The following ANKRD18B variants were observed in gnomAD, a reference collection of about 807,000 sequenced individuals.
ANKRD18B encodes the protein ankyrin repeat domain-containing protein 18B.
ANKRD18B carries 75 observed loss-of-function variants against 111.8 expected under a neutral mutation model. That is an observed-to-expected ratio of 0.67 (90% confidence interval 0.56 to 0.81). The LOEUF (loss-of-function observed/expected upper bound fraction) is 0.81. ANKRD18B is among the 40% of genes least tolerant of loss of function. The pLI, the probability that ANKRD18B is intolerant of heterozygous loss-of-function variation, is 0.00. For missense variants in ANKRD18B, 1,038 were observed against 1,225.5 expected (o/e 0.85, Z 2.28); for synonymous variants, 356 against 417.3 (o/e 0.85, Z 1.79).
chr9:33,564,806 A>G (rs903354399), intron 14 of ANKRD18B, among the ~76,000 whole-genome samples: 4 of 152,104 alleles, frequency 2.6e-5, no homozygotes, highest in African/African-American at 9.7e-5. Context: ...GATACTGAAC[A>G]TTTTTAAATG....
rs1337250228 is a variant in ANKRD18B, at chr9:33,541,167, G to C, written c.1018G>C (p.Glu340Gln). ...GACAGAAACAGCAGCTATGAAGCCT[G>C]AAAATTTGAAAAAAAGAAAAAAAAG... ...PCPETAAMKP[E>Q]NLKKRKKRKK... Residue 340 changes from glutamate to glutamine, a missense_variant, in exon 9 of 19, where the codon GAA becomes CAA. By Grantham distance (29) the Glu-to-Gln change is conservative (BLOSUM62 2). Transcript: ENST00000684830. The C allele has an allele frequency of 6.5e-7, 1 of 1,537,132 alleles. No homozygotes were observed. The highest frequency in any genetic ancestry group is 1.4e-5 in the African/African-American group (1 of 71,074).
intron 12 of ANKRD18B, among the ~76,000 whole-genome samples, chr9:33,551,791 A>T (rs1208042723): frequency 6.6e-6 from 1 of 152,176 alleles, no homozygotes; most frequent in Non-Finnish European, 1.5e-5. Context: ...AATTGGGCAG[A>T]TGTCAGCACC....
intron 6 of ANKRD18B, 146 bp from the exon 7 acceptor site, chr9:33,539,303 T>C (rs1393877339): frequency 1.3e-5 from 2 of 157,190 alleles, no homozygotes; most frequent in African/African-American, 4.8e-5. Flanking sequence ...CCAGGCACGT[T>C]TACGTTTGTG....
intron 14 of ANKRD18B, among the ~76,000 whole-genome samples, chr9:33,560,368 C>G (rs1828588885): frequency 1.3e-5 from 2 of 152,350 alleles, no homozygotes; most frequent in African/African-American, 4.8e-5. Flanking sequence ...CACCCCAACC[C>G]CCCAGTGCAT....
chr9:33,528,807 T>A lies in ANKRD18B; in HGVS notation c.287T>A (p.Ile96Asn). The A allele has an allele frequency of 5.0e-6, 8 of 1,612,230 alleles. No homozygotes were observed. Among genetic ancestry groups the A allele is most frequent in the Non-Finnish European group, 6.8e-6 (8 of 1,179,032 alleles). Residue 96 changes from isoleucine to asparagine, a missense_variant, in exon 2 of 19, where the codon ATC becomes AAC. Physicochemically the swap from Ile to Asn is moderately radical, Grantham distance 149 (BLOSUM62 -3). Around this residue, in one of 4 missense-constraint regions of ANKRD18B, gnomAD observed 216 missense variants for 205.1 expected, o/e 1.05. Transcript: ENST00000684830. ...CTGGACAGAAAATGCCAGATCAACA[T>A]CTGTGACAGACTAAACAGGACACCT... ...LLLDRKCQIN[I>N]CDRLNRTPLM... is the part of the protein sequence containing the mutation.
chr9:33,537,110 A>G (rs1418381540), intron 6 of ANKRD18B, among the ~76,000 whole-genome samples, 165 bp downstream of exon 6: 1 of 152,070 alleles, frequency 6.6e-6, no homozygotes, highest in Non-Finnish European at 1.5e-5. Context: ...CAGCCTGGCT[A>G]ACATGGTGAA....
chr9:33,562,702 G>A (rs970030560), intron 14 of ANKRD18B, among the ~76,000 whole-genome samples: 1 of 152,178 alleles, frequency 6.6e-6, no homozygotes, highest in Non-Finnish European at 1.5e-5. Context: ...GCAAACAAAC[G>A]TGAAGTAAGG....
chr9:33,574,370 G>A (rs1261678864), downstream of ANKRD18B: 1 of 156,492 alleles, frequency 6.4e-6, no homozygotes, highest in Non-Finnish European at 1.4e-5. Context: ...CTCAGGCAGG[G>A]GTTTTTTCTG....
At chr9:33,539,974 G>A (rs1164663745) in intron 7 of ANKRD18B, 104 bp from the exon 8 acceptor site, 2 of 150,872 alleles carry the variant, frequency 1.3e-5, no homozygotes, top group Admixed American at 1.3e-4. Flanking sequence ...GTATCTAAAG[G>A]CTGGAAGGGC....
At chr9:33,547,672 A>G (rs1189502285) in intron 10 of ANKRD18B, among the ~76,000 whole-genome samples, 1 of 146,632 alleles carries the variant, frequency 6.8e-6, no homozygotes, top group East Asian at 2.0e-4. Context: ...ATTCTTAAAA[A>G]TTCTCTAGAG....
intron 3 of ANKRD18B, among the ~76,000 whole-genome samples, chr9:33,530,728 T>C (rs10971551): frequency 0.094 from 14,240 of 152,218 alleles, 700 homozygotes; most frequent in Admixed American, 0.14. Flanking sequence ...TTCTCTACGT[T>C]TGTGACTGGG....
intron 16 of ANKRD18B, 84 bp downstream of exon 16, chr9:33,567,398 G>C: frequency 8.3e-7 from 1 of 1,210,488 alleles, no homozygotes. Flanking sequence ...GATGGCTTCA[G>C]GAGATCAGTA....
chr9:33,552,824 T>C (rs1828466755), intron 12 of ANKRD18B, among the ~76,000 whole-genome samples: 1 of 151,746 alleles, frequency 6.6e-6, no homozygotes, highest in South Asian at 2.1e-4. Flanking sequence ...TAAGTGCTTC[T>C]AAGCAAATCT....
chr9:33,530,550 C>T (rs894836514), intron 3 of ANKRD18B, among the ~76,000 whole-genome samples: 5 of 140,016 alleles, frequency 3.6e-5, no homozygotes, highest in African/African-American at 1.3e-4. Context: ...AAAAAAAAAC[C>T]TCAGTGTTCG....
chr9:33,537,421 G>C (rs1828217847), intron 6 of ANKRD18B, among the ~76,000 whole-genome samples: 1 of 152,018 alleles, frequency 6.6e-6, no homozygotes, highest in African/African-American at 2.4e-5. Context: ...TATTTAAGAA[G>C]TTGTAGCTAA....
Position 33,548,241 on chromosome 9 carries a change from A to G in ANKRD18B, c.1453A>G (p.Arg485Gly). Residue 485 changes from arginine to glycine, a missense_variant, in exon 11 of 19, where the codon AGA (arginine) becomes GGA (glycine). By Grantham distance (125) the Arg-to-Gly change is moderately radical. Coordinates refer to ENST00000684830, the MANE Select transcript of ANKRD18B (RefSeq NM_001393611.1). Reference protein sequence around the residue: ...KLEKEKHNKERLEAEVESLHS... With the variant: ...KLEKEKHNKEGLEAEVESLHS... ...GGAGAAGGAAAAACACAACAAAGAA[A>G]GACTAGAAGCTGAAGTTGAATCCCT... is the stretch of plus-strand genomic sequence containing the variant. 2 of 1,551,204 alleles carry G rather than the reference A, an allele frequency of 1.3e-6. No individual in the cohort carries two copies. The highest frequency in any genetic ancestry group is 1.7e-6 in the Non-Finnish European group (2 of 1,146,678).
chr9:33,537,741 G>A (rs1160717898), intron 6 of ANKRD18B, among the ~76,000 whole-genome samples: 3 of 152,196 alleles, frequency 2.0e-5, no homozygotes, highest in South Asian at 2.1e-4. Flanking sequence ...CCTTCCAAAC[G>A]TAACTACTAA....
At chr9:33,533,761 G>C (rs1206761353) in intron 4 of ANKRD18B, 1 of 974,774 alleles carries the variant, frequency 1.0e-6, no homozygotes, top group Non-Finnish European at 1.3e-6. Context: ...CTTATAGACT[G>C]TTATTTGTAA....
chr9:33,564,526 A>G (rs893421101), intron 14 of ANKRD18B, among the ~76,000 whole-genome samples: 10 of 152,132 alleles, frequency 6.6e-5, no homozygotes, highest in African/African-American at 2.4e-4. Context: ...TATCCTTGTG[A>G]TCTATTGTTT....
Sources: allele counts gnomAD v4.1 joint callset (sites outside exome capture counted in the v4.1 genomes callset), GRCh38; gene constraint gnomAD v4.1.1; regional missense constraint gnomAD v4.1.1; transcripts MANE v1.5; gene names NCBI Gene and HGNC (gene_info 2026-07-23, HGNC 2026-07-21).